Variants in SAMD4A observed in about 807,000 individuals in gnomAD.
SAMD4A encodes the protein sterile alpha motif domain containing 4A, also known as protein Smaug homolog 1.
SAMD4A carries 33 observed loss-of-function variants against 81.3 expected under a neutral mutation model. The ratio of observed to expected loss-of-function variants is 0.41; its 90% CI spans 0.31 to 0.54. The LOEUF (loss-of-function observed/expected upper bound fraction) is 0.54, where lower values mean the gene tolerates loss of function less well. Ranked by LOEUF, SAMD4A falls within the 20% of genes least tolerant of loss-of-function variation. The pLI is 0.37. For synonymous variants in SAMD4A, 389 were observed against 382.1 expected (o/e 1.02, Z -0.21); for missense variants, 854 against 951.1 (o/e 0.90, Z 1.34).
At chr14:54,757,771 A>G (rs1054245153) in intron 6 of SAMD4A, among the ~76,000 whole-genome samples, 1 of 152,130 alleles carries the variant, frequency 6.6e-6, no homozygotes, top group Admixed American at 6.5e-5. Context: ...GGGCTGGACA[A>G]GGAGGTCAGT....
intron 2 of SAMD4A, among the ~76,000 whole-genome samples, chr14:54,625,635 A>G (rs1169758850): frequency 2.6e-5 from 4 of 152,192 alleles, no homozygotes; most frequent in Non-Finnish European, 4.4e-5. Flanking sequence ...CATATTTGCA[A>G]GTTTCTCAGA....
chr14:54,788,136 C>T (rs913947315), intron 12 of SAMD4A, among the ~76,000 whole-genome samples: 3 of 152,234 alleles, frequency 2.0e-5, no homozygotes, highest in African/African-American at 7.2e-5. Flanking sequence ...ACACCTACCT[C>T]AGACATCTCT....
chr14:54,706,214 G>C (rs546259044), intron 3 of SAMD4A, among the ~76,000 whole-genome samples: 1 of 151,490 alleles, frequency 6.6e-6, no homozygotes, highest in Non-Finnish European at 1.5e-5. Flanking sequence ...GTCTGATGAG[G>C]TGGCTGAAGT....
intron 4 of SAMD4A, among the ~76,000 whole-genome samples, chr14:54,747,979 C>T (rs946515117): frequency 6.6e-6 from 1 of 152,226 alleles, no homozygotes; most frequent in Admixed American, 6.5e-5. Flanking sequence ...TTACCCTTTA[C>T]TTTTCTTAAC....
chr14:54,661,043 G>T (rs753235096), intron 2 of SAMD4A, among the ~76,000 whole-genome samples: 10 of 152,162 alleles, frequency 6.6e-5, no homozygotes, highest in Non-Finnish European at 1.0e-4. Flanking sequence ...AGAGTGAAAG[G>T]CACTGCGGAC....
chr14:54,652,831 C>G (rs2035434843), intron 2 of SAMD4A: 1 of 152,148 alleles, frequency 6.6e-6, no homozygotes, highest in Non-Finnish European at 1.5e-5. Context: ...GCCACGAGAC[C>G]TCGCATTTGG....
chr14:54,765,723 C>T (rs533931232), intron 8 of SAMD4A, among the ~76,000 whole-genome samples: 31 of 152,328 alleles, frequency 2.0e-4, no homozygotes, highest in African/African-American at 4.8e-4. Flanking sequence ...TGAAGGGAGA[C>T]GCCCAGCACA....
chr14:54,777,505 G>C (rs2139949645), intron 11 of SAMD4A, among the ~76,000 whole-genome samples: 1 of 152,344 alleles, frequency 6.6e-6, no homozygotes, highest in East Asian at 1.9e-4. Context: ...AAAGGGTCTG[G>C]CTGAGGTAGC....
Position 54,685,622 on chromosome 14 carries a change from T to C in SAMD4A, c.197-16440T>C, listed in dbSNP as rs911064944. Reference sequence around the variant, plus strand: ...TTTGTGGTTTCAGAAAAACTGATCTTAGCCAAATGGTTAGAAGTTGCAGAG... The same window carrying C: ...TTTGTGGTTTCAGAAAAACTGATCTCAGCCAAATGGTTAGAAGTTGCAGAG... On this transcript the variant is annotated intron_variant, in intron 2 of 12. Transcript: ENST00000554335. 2.4e-4 allele frequency: 107 copies of C among 442,360 alleles called. 1 individual carries two copies. The Admixed American group carries it at 2.6e-3, about 11-fold the overall frequency. The allele number at this position is 442,360 out of a possible 1,614,324, so 27.4% of individuals were successfully genotyped here. A position where few individuals can be genotyped will look rare whatever the true frequency, so the allele number is the denominator to read the frequency against.
intron 3 of SAMD4A, among the ~76,000 whole-genome samples, chr14:54,721,088 C>T (rs1490282845): frequency 1.3e-5 from 2 of 152,176 alleles, no homozygotes; most frequent in Non-Finnish European, 2.9e-5. Flanking sequence ...TCAGAAGGAA[C>T]AGAGATAACA....
chr14:54,689,875 C>T (rs887026470), intron 2 of SAMD4A: 1 of 152,294 alleles, frequency 6.6e-6, no homozygotes, highest in Non-Finnish European at 1.5e-5. Context: ...ACGCTGGGGA[C>T]ATCATCTGTG....
intron 4 of SAMD4A, among the ~76,000 whole-genome samples, chr14:54,738,745 A>G (rs1255297033): frequency 1.3e-5 from 2 of 152,178 alleles, no homozygotes; most frequent in Non-Finnish European, 2.9e-5. Context: ...CTGTAGGTAG[A>G]CTGGCTTGGC....
intron 2 of SAMD4A, among the ~76,000 whole-genome samples, chr14:54,683,093 C>T (rs1161215021): frequency 2.0e-5 from 3 of 152,154 alleles, no homozygotes; most frequent in Non-Finnish European, 4.4e-5. Context: ...GCTTCATGGG[C>T]TTGGACTCCA....
chr14:54,751,160 G>A (rs1451634293), intron 5 of SAMD4A, among the ~76,000 whole-genome samples: 1 of 152,192 alleles, frequency 6.6e-6, no homozygotes, highest in African/African-American at 2.4e-5. Context: ...GGAGACTGAG[G>A]TGAGAGAATC....
At chr14:54,570,338 G>A (rs1057451131) in intron 2 of SAMD4A, among the ~76,000 whole-genome samples, 4 of 152,124 alleles carry the variant, frequency 2.6e-5, no homozygotes, top group Non-Finnish European at 4.4e-5. Flanking sequence ...ACCAGGAAGG[G>A]GGCAAAAAGT....
chr14:54,731,649 G>A (rs1232269474), intron 3 of SAMD4A, among the ~76,000 whole-genome samples: 3 of 152,134 alleles, frequency 2.0e-5, no homozygotes, highest in Non-Finnish European at 4.4e-5. Flanking sequence ...AAAATTTAAT[G>A]AAGCGTATGT....
At chr14:54,722,260 T>C (rs182830492) in intron 3 of SAMD4A, among the ~76,000 whole-genome samples, 1 of 152,230 alleles carries the variant, frequency 6.6e-6, no homozygotes, top group East Asian at 1.9e-4. Context: ...ATGAGAAGGA[T>C]AGGTATTCAG....
intron 2 of SAMD4A, among the ~76,000 whole-genome samples, chr14:54,613,954 T>A (rs2140276940): frequency 6.6e-6 from 1 of 152,358 alleles, no homozygotes; most frequent in African/African-American, 2.4e-5. Context: ...GCAAGTAACC[T>A]TTAAGAAACG....
chr14:54,618,851 GA>G (rs2034550409), intron 2 of SAMD4A, among the ~76,000 whole-genome samples: 1 of 152,106 alleles, frequency 6.6e-6, no homozygotes, highest in African/African-American at 2.4e-5. Flanking sequence ...GGGCAGGAAA[GA>G]AAAATGTTTT....
Sources: gnomAD v4.1 joint callset for allele counts (sites outside exome capture counted in the v4.1 genomes callset) on GRCh38, gnomAD v4.1.1 for gene constraint, MANE v1.5 for transcripts, NCBI Gene and HGNC (gene_info 2026-07-23, HGNC 2026-07-21) for gene names.